CADM2: variants seen among roughly 807,000 people sequenced by gnomAD.
CADM2 encodes immunoglobulin superfamily member 4D.
CADM2 carries 12 observed loss-of-function variants against 49.8 expected under a neutral mutation model. The ratio of observed to expected loss-of-function variants is 0.24; its 90% CI spans 0.15 to 0.39. The LOEUF is 0.39. Among genes scored for constraint, CADM2 ranks in the 10% least tolerant of loss-of-function variants. CADM2 has a pLI of 1.00. For synonymous variants in CADM2, 214 were observed against 175.4 expected (o/e 1.22, Z -1.74); for missense variants, 378 against 492.3 (o/e 0.77, Z 2.20).
chr3:85,344,710 A>G (rs1461749576), intron 1 of CADM2, among the ~76,000 whole-genome samples: 2 of 152,048 alleles, frequency 1.3e-5, no homozygotes, highest in African/African-American at 2.4e-5. Context: ...TCATTCTTTG[A>G]TATTTCCACT....
intron 7 of CADM2, among the ~76,000 whole-genome samples, chr3:85,940,900 A>G (rs1559755086): frequency 1.3e-5 from 2 of 151,558 alleles, no homozygotes; most frequent in African/African-American, 4.9e-5. Context: ...ATTGAGTGGA[A>G]AGTACAAAGA....
intron 1 of CADM2, among the ~76,000 whole-genome samples, chr3:85,146,568 T>C (rs999142337): frequency 6.6e-6 from 1 of 152,230 alleles, no homozygotes. Context: ...AAAGTAATCA[T>C]TGATTTATAT....
chr3:85,947,794 G>T (rs1304280158), intron 7 of CADM2, among the ~76,000 whole-genome samples: 1 of 151,408 alleles, frequency 6.6e-6, no homozygotes, highest in Non-Finnish European at 1.5e-5. Flanking sequence ...GCGGTGTGTT[G>T]GGCACTCAAT....
intron 1 of CADM2, among the ~76,000 whole-genome samples, chr3:85,185,347 G>A (rs767053392): frequency 3.3e-5 from 5 of 151,766 alleles, no homozygotes; most frequent in Admixed American, 6.6e-5. Flanking sequence ...AAAAATGATG[G>A]TCCTTATTGG....
intron 7 of CADM2, among the ~76,000 whole-genome samples, chr3:85,960,596 A>G (rs996160752): frequency 1.3e-5 from 2 of 152,030 alleles, no homozygotes; most frequent in Non-Finnish European, 2.9e-5. Context: ...AAATAAATGT[A>G]AATTACCTAG....
intron 1 of CADM2, among the ~76,000 whole-genome samples, chr3:85,621,461 T>C (rs374295160): frequency 2.0e-5 from 3 of 152,262 alleles, no homozygotes; most frequent in East Asian, 3.9e-4. Flanking sequence ...TAACTAACTT[T>C]GAAAATTTGA....
Position 85,199,368 on chromosome 3 carries a change from T to TGAGAGAGAGAGAGAGAGAG in CADM2, c.61+239700_61+239701insGAGAGAGAGAGAGAGAGAG, listed in dbSNP as rs1553694522. ...GTGTGTGTGTGTGTGTGTGTGTGTG[T>TGAGAGAGAGAGAGAGAGAG]ATGAGAGAGAGAGAGAGAGAGAAGC... is the stretch of plus-strand genomic sequence containing the variant. On this transcript the variant is annotated intron_variant, in intron 1 of 9. Transcript: ENST00000383699. 4.6e-3 allele frequency among the ~76,000 whole-genome samples: 532 copies of TGAGAGAGAGAGAGAGAGAG among 115,176 alleles called. 4 individuals carry two copies. The highest frequency in any genetic ancestry group is 0.027 in the African/African-American group (501 of 18,300). 75.6% of individuals were successfully genotyped at this position (115,176 alleles called of 152,430 possible).
At chr3:85,259,083 G>C (rs1026738713) in intron 1 of CADM2, among the ~76,000 whole-genome samples, 2 of 152,134 alleles carry the variant, frequency 1.3e-5, no homozygotes, top group Non-Finnish European at 2.9e-5. Context: ...GCAGAGATCA[G>C]AAAGTAGGCT....
At chr3:85,004,240 G>C (rs1331443407) in intron 1 of CADM2, among the ~76,000 whole-genome samples, 1 of 152,050 alleles carries the variant, frequency 6.6e-6, no homozygotes, top group Admixed American at 6.6e-5. Context: ...AAGCAACGAA[G>C]CGTTTGCTGG....
intron 3 of CADM2, among the ~76,000 whole-genome samples, chr3:85,861,332 A>G (rs1481228635): frequency 6.6e-6 from 1 of 152,132 alleles, no homozygotes; most frequent in African/African-American, 2.4e-5. Context: ...CTGGAAATAG[A>G]CCTAAAAGCA....
intron 1 of CADM2, among the ~76,000 whole-genome samples, chr3:85,623,564 C>A (rs1175626221): frequency 6.6e-6 from 1 of 152,106 alleles, no homozygotes; most frequent in African/African-American, 2.4e-5. Flanking sequence ...ACAAAGGGTA[C>A]TTAGCTGAGA....
At chr3:86,025,622 C>T (rs1442197294) in intron 8 of CADM2, among the ~76,000 whole-genome samples, 1 of 151,522 alleles carries the variant, frequency 6.6e-6, no homozygotes, top group African/African-American at 2.4e-5. Flanking sequence ...GATAAGGTGG[C>T]GTATAGTGAG....
intron 5 of CADM2, among the ~76,000 whole-genome samples, chr3:85,888,831 C>A (rs1283492409): frequency 6.6e-6 from 1 of 152,064 alleles, no homozygotes; most frequent in Non-Finnish European, 1.5e-5. Flanking sequence ...TTTTAGCAAA[C>A]CCTCCTCATT....
chr3:85,589,053 T>A (rs2063026673), intron 1 of CADM2, among the ~76,000 whole-genome samples: 1 of 152,030 alleles, frequency 6.6e-6, no homozygotes, highest in East Asian at 1.9e-4. Flanking sequence ...TTTATACAGT[T>A]TAGTATGAAT....
chr3:85,361,582 CT>C (rs1020888400), intron 1 of CADM2, among the ~76,000 whole-genome samples: 2 of 152,102 alleles, frequency 1.3e-5, no homozygotes, highest in African/African-American at 2.4e-5. Flanking sequence ...AAAATAGAAG[CT>C]TTTTTCTTCA....
At chr3:85,617,391 A>T (rs956299396) in intron 1 of CADM2, among the ~76,000 whole-genome samples, 4 of 152,148 alleles carry the variant, frequency 2.6e-5, no homozygotes, top group African/African-American at 9.7e-5. Flanking sequence ...ATAAAGCAAT[A>T]CATAGGGTGA....
Position 85,005,703 on chromosome 3 carries a change from T to A in CADM2, c.61+46035T>A, listed in dbSNP as rs1041390765. Among the ~76,000 whole-genome samples, 8 of 151,488 alleles carry A rather than the reference T, an allele frequency of 5.3e-5. No homozygotes were observed. In the South Asian group the frequency reaches 1.0e-3, roughly 20 times the overall value. On this transcript the variant is annotated intron_variant, in intron 1 of 9. Coordinates refer to ENST00000383699, the MANE Select transcript of CADM2 (RefSeq NM_001167675.2). Reference sequence around the variant, plus strand: ...TTCTAAGATCTGATAAAAAAAAAAATACAGTTTTTTTTTCTTTTATACATC... The same window carrying A: ...TTCTAAGATCTGATAAAAAAAAAAAAACAGTTTTTTTTTCTTTTATACATC...
At chr3:85,715,211 C>A (rs933125092) in intron 1 of CADM2, among the ~76,000 whole-genome samples, 1 of 152,108 alleles carries the variant, frequency 6.6e-6, no homozygotes, top group Non-Finnish European at 1.5e-5. Flanking sequence ...GTGGTAGATA[C>A]CATCCCACTG....
intron 5 of CADM2, among the ~76,000 whole-genome samples, chr3:85,910,219 A>G (rs989724868): frequency 6.6e-6 from 1 of 152,150 alleles, no homozygotes; most frequent in African/African-American, 2.4e-5. Flanking sequence ...ACTTTGGAGT[A>G]ATTTCTCATA....
Sources: gnomAD v4.1 joint callset for allele counts (sites outside exome capture counted in the v4.1 genomes callset) on GRCh38, gnomAD v4.1.1 for gene constraint, MANE v1.5 for transcripts, NCBI Gene and HGNC (gene_info 2026-07-23, HGNC 2026-07-21) for gene names.